Variants in PIGK observed in about 807,000 individuals in gnomAD.
The protein encoded by PIGK is phosphatidylinositol glycan anchor biosynthesis class K.
Under a neutral mutation model 50.6 loss-of-function variants are expected in PIGK, and 42 were observed. The observed-to-expected ratio is 0.83, with a 90% CI of 0.65 to 1.07. The LOEUF is 1.07. Ranked by LOEUF, PIGK falls within the 50% of genes least tolerant of loss-of-function variation. The pLI, the probability that PIGK is intolerant of heterozygous loss-of-function variation, is 0.00. For missense variants in PIGK, 448 were observed against 488.7 expected, an observed-to-expected ratio of 0.92 and a Z score of 0.78; for synonymous variants, 151 against 156.0, an observed-to-expected ratio of 0.97 and a Z score of 0.24.
chr1:77,165,187 G>C (rs183841013), intron 5 of PIGK, among the ~76,000 whole-genome samples: 12 of 152,210 alleles, frequency 7.9e-5, no homozygotes, highest in Admixed American at 7.9e-4. Context: ...TACCCTGAAA[G>C]AGTTCCAACA....
chr1:77,190,943 G>A (rs778430521), intron 3 of PIGK, among the ~76,000 whole-genome samples: 1 of 152,108 alleles, frequency 6.6e-6, no homozygotes, highest in Admixed American at 6.5e-5. Flanking sequence ...GCAGGAGAGG[G>A]GGCAAACAGC....
Position 77,161,159 on chromosome 1 carries a change from T to C in PIGK, c.813+136A>G. 5 of 613,132 alleles carry C rather than the reference T, an allele frequency of 8.2e-6. 1 individual carries two copies. The South Asian group carries it at 1.1e-4, about 13-fold the overall frequency. 38.0% of individuals were successfully genotyped at this position (613,132 alleles called of 1,614,324 possible). A position where few individuals can be genotyped will look rare whatever the true frequency, so the allele number is the denominator to read the frequency against. The stretch of plus-strand genomic sequence containing the variant: ...GAAATACTAATATACAGGTAAAAGG[T>C]AGATATCAAATAGTTTTAAAAGCTA... On this transcript the variant is annotated intron_variant, in intron 8 of 10. Coordinates refer to ENST00000370812, the MANE Select transcript of PIGK (RefSeq NM_005482.3).
chr1:77,203,164 C>G (rs1656209847), intron 3 of PIGK, among the ~76,000 whole-genome samples: 2 of 149,736 alleles, frequency 1.3e-5, no homozygotes, highest in African/African-American at 4.8e-5. Context: ...AAAGACAATA[C>G]TAAACTGCAA....
intron 9 of PIGK, among the ~76,000 whole-genome samples, chr1:77,128,319 A>G (rs1019246479): frequency 6.6e-6 from 1 of 152,226 alleles, no homozygotes; most frequent in African/African-American, 2.4e-5. Flanking sequence ...TTAAGTCCAA[A>G]GAGAACTAAG....
At chr1:77,163,200 C>T (rs556382908) in intron 6 of PIGK, among the ~76,000 whole-genome samples, 11 of 152,220 alleles carry the variant, frequency 7.2e-5, no homozygotes, top group African/African-American at 2.6e-4. Context: ...TATTTTGTAG[C>T]ATCATTGTAT....
At chr1:77,112,812 C>T (rs982510651) in intron 10 of PIGK, among the ~76,000 whole-genome samples, 1 of 151,992 alleles carries the variant, frequency 6.6e-6, no homozygotes, top group East Asian at 1.9e-4. Flanking sequence ...GAAAATGGCC[C>T]ATTTTCTCAC....
chr1:77,134,598 C>T (rs954194317), intron 9 of PIGK, among the ~76,000 whole-genome samples: 4 of 152,160 alleles, frequency 2.6e-5, no homozygotes, highest in African/African-American at 9.7e-5. Context: ...CCAGAATTGG[C>T]GAATGATTAC....
intron 10 of PIGK, among the ~76,000 whole-genome samples, chr1:77,108,990 G>A (rs575214043): frequency 6.6e-5 from 10 of 152,064 alleles, no homozygotes; most frequent in African/African-American, 2.2e-4. Context: ...TTAGCCATTC[G>A]TCTAACCTTT....
intron 3 of PIGK, among the ~76,000 whole-genome samples, chr1:77,190,985 T>C (rs746449939): frequency 6.6e-6 from 1 of 152,196 alleles, no homozygotes; most frequent in Non-Finnish European, 1.5e-5. Flanking sequence ...TCCCCATTCC[T>C]CTCAGGATGA....
Position 77,131,213 on chromosome 1 carries a change from A to T in PIGK, c.987-8854T>A, listed in dbSNP as rs575781781. On this transcript the variant is annotated intron_variant, in intron 9 of 10. Coordinates refer to ENST00000370812, the MANE Select transcript of PIGK (RefSeq NM_005482.3). ...AATACATCTATAGACACATGCATAT[A>T]TCTATTATATATAAATAATATAGGA... 4.0e-5 allele frequency among the ~76,000 whole-genome samples: 6 copies of T among 151,718 alleles called. No homozygotes were observed. In the South Asian group the frequency reaches 1.2e-3, roughly 31 times the overall value.
intron 5 of PIGK, among the ~76,000 whole-genome samples, chr1:77,165,111 C>T (rs186404838): frequency 6.6e-6 from 1 of 152,148 alleles, no homozygotes; most frequent in East Asian, 1.9e-4. Flanking sequence ...AACAGGCAGC[C>T]AGTTCACAGG....
chr1:77,101,325 C>T (rs1175294685), intron 10 of PIGK, among the ~76,000 whole-genome samples: 1 of 152,114 alleles, frequency 6.6e-6, no homozygotes, highest in Non-Finnish European at 1.5e-5. Flanking sequence ...AGACCTACCT[C>T]AAATTTCACC....
At position 77,089,139 on chromosome 1, in the gene PIGK, A is replaced by T. The variant is rs1331934213; in HGVS notation, c.*3235T>A. 1.3e-5 allele frequency: 2 copies of T among 152,370 alleles called. No individual in the cohort carries two copies. Among genetic ancestry groups the T allele is most frequent in the East Asian group, 3.9e-4 (2 of 5,192 alleles). The allele number at this position is 152,370 out of a possible 1,614,324, so 9.4% of individuals were successfully genotyped here. On this transcript the variant is annotated 3_prime_UTR_variant, in exon 11 of 11. Transcript: ENST00000370812. ...TTTTACACTAAGAAAAAAAAATAAA[A>T]ATAAAAGCCTGGTTACCACCAAGGT...
At chr1:77,158,490 T>C (rs1187967926) in intron 8 of PIGK, among the ~76,000 whole-genome samples, 5 of 151,984 alleles carry the variant, frequency 3.3e-5, no homozygotes, top group Admixed American at 3.3e-4. Context: ...GTTGGAACAG[T>C]ATGGAGGGCT....
At chr1:77,141,618 A>G (rs1490434369) in intron 9 of PIGK, among the ~76,000 whole-genome samples, 1 of 152,180 alleles carries the variant, frequency 6.6e-6, no homozygotes, top group Non-Finnish European at 1.5e-5. Context: ...CAGCTCGTCA[A>G]TGTTGGTAAG....
chr1:77,193,885 T>A (rs1054819280), intron 3 of PIGK, among the ~76,000 whole-genome samples: 4 of 151,976 alleles, frequency 2.6e-5, no homozygotes, highest in African/African-American at 9.7e-5. Context: ...AAAGAAACCA[T>A]CAGCAGAGTA....
chr1:77,162,471 CA>C (rs1361989180), intron 6 of PIGK, among the ~76,000 whole-genome samples: 1 of 152,048 alleles, frequency 6.6e-6, no homozygotes, highest in East Asian at 1.9e-4. Context: ...AAATTGGTTT[CA>C]AAAAGGTAGA....
chr1:77,106,816 T>C (rs1335567482), intron 10 of PIGK, among the ~76,000 whole-genome samples: 1 of 152,166 alleles, frequency 6.6e-6, no homozygotes, highest in African/African-American at 2.4e-5. Flanking sequence ...CATCTCTCTC[T>C]AGCAATGTTA....
intron 8 of PIGK, among the ~76,000 whole-genome samples, chr1:77,159,241 T>G (rs1471733021): frequency 6.6e-6 from 1 of 152,080 alleles, no homozygotes; most frequent in East Asian, 1.9e-4. Flanking sequence ...AGCCTGAAGG[T>G]GCACAGAAGT....
Sources: allele counts gnomAD v4.1 joint callset (sites outside exome capture counted in the v4.1 genomes callset), GRCh38; gene constraint gnomAD v4.1.1; transcripts MANE v1.5; gene names NCBI Gene and HGNC (gene_info 2026-07-23, HGNC 2026-07-21).